Variants in C6 observed in about 807,000 individuals in gnomAD.
C6 encodes complement component C6.
C6 carries 101 observed loss-of-function variants against 112.9 expected under a neutral mutation model. That is an observed-to-expected ratio of 0.89 (90% CI 0.76 to 1.06). The LOEUF (loss-of-function observed/expected upper bound fraction) is 1.06, where lower values mean the gene tolerates loss of function less well. C6 is among the 50% of genes least tolerant of loss of function. C6 has a pLI of 0.00. For synonymous variants in C6, 431 were observed against 384.1 expected (o/e 1.12, Z -1.43); for missense variants, 1,202 against 1,104.6 (o/e 1.09, Z -1.25).
intron 7 of C6, among the ~76,000 whole-genome samples, chr5:41,177,197 T>C (rs147112035): frequency 6.6e-6 from 1 of 152,346 alleles, no homozygotes; most frequent in East Asian, 1.9e-4. Flanking sequence ...AGACTTCAGT[T>C]GTCAAATGAT....
At chr5:41,240,093 C>T (rs1397013620) in intron 1 of C6, among the ~76,000 whole-genome samples, 1 of 152,140 alleles carries the variant, frequency 6.6e-6, no homozygotes, top group Non-Finnish European at 1.5e-5. Flanking sequence ...GATCTTTGAG[C>T]TTCCTGTATC....
chr5:41,261,432 A>G (rs1285272146), exon 1 of C6: 1 of 154,440 alleles, frequency 6.5e-6, no homozygotes, highest in Non-Finnish European at 1.4e-5. Flanking sequence ...AGACGGGTAT[A>G]TTTTAGGGAG....
intron 1 of C6, among the ~76,000 whole-genome samples, chr5:41,253,607 C>T (rs773143132): frequency 1.3e-5 from 2 of 152,156 alleles, no homozygotes; most frequent in Non-Finnish European, 1.5e-5. Context: ...GGAATCACTG[C>T]TCTATAGAGT....
chr5:41,196,215 A>G (rs1750607067), intron 4 of C6, among the ~76,000 whole-genome samples: 1 of 151,990 alleles, frequency 6.6e-6, no homozygotes, highest in Non-Finnish European at 1.5e-5. Flanking sequence ...CGCTATAGAG[A>G]TCATGTTCAG....
At chr5:41,169,136 C>A (rs934336487) in intron 9 of C6, among the ~76,000 whole-genome samples, 2 of 151,962 alleles carry the variant, frequency 1.3e-5, no homozygotes, top group African/African-American at 4.8e-5. Context: ...GCAATAGGTG[C>A]CAGTGCATGA....
chr5:41,163,372 G>T (rs1747706820), intron 9 of C6, among the ~76,000 whole-genome samples: 1 of 148,986 alleles, frequency 6.7e-6, no homozygotes, highest in African/African-American at 2.5e-5. Flanking sequence ...GAATGCATTG[G>T]TGCGATCTTA....
In C6 at chr5:41,142,943, T is replaced by C. The variant is rs763571849; in HGVS notation, c.2687A>G (p.Tyr896Cys). The change falls in exon 18 of 18, where the codon TAC becomes TGC. Residue 896 changes from tyrosine to cysteine, a missense_variant. Coordinates refer to ENST00000337836, the MANE Select transcript of C6 (RefSeq NM_000065.5). ...TGTTGATGATCCCATTTTGACACAGTAGAGTTGGTTTCCACCCTTGAAGCA... is the reference window on the plus strand; with the variant it reads ...TGTTGATGATCCCATTTTGACACAGCAGAGTTGGTTTCCACCCTTGAAGCA... ...PQCFKGGNQL[Y>C]CVKMGSSTSE... 1.9e-6 allele frequency: 3 copies of C among 1,613,560 alleles called. No homozygotes were observed. In the South Asian group the frequency reaches 3.3e-5, roughly 18 times the overall value.
chr5:41,228,368 T>C (rs1739660762), intron 1 of C6, among the ~76,000 whole-genome samples: 2 of 152,148 alleles, frequency 1.3e-5, no homozygotes, highest in Non-Finnish European at 2.9e-5. Flanking sequence ...AAGTGCAGTC[T>C]TTAGGGTTTT....
In C6 at chr5:41,236,466, C is replaced by T. The variant is rs541950509; in HGVS notation, c.-21+24728G>A. Among the ~76,000 whole-genome samples, 20 of 150,266 alleles carry T rather than the reference C, an allele frequency of 1.3e-4. No individual in the cohort carries two copies. In the South Asian group the frequency reaches 2.4e-3, roughly 18 times the overall value. On this transcript the variant is annotated intron_variant, in intron 1 of 17. Coordinates refer to the C6 transcript ENST00000263413. ...TACATGGAAACTGAACAACCTGCTCCTGAATGACTACTGGGTACATAACGA... is the reference window on the plus strand; with the variant it reads ...TACATGGAAACTGAACAACCTGCTCTTGAATGACTACTGGGTACATAACGA...
At chr5:41,197,817 G>C (rs974314353) in intron 4 of C6, among the ~76,000 whole-genome samples, 1 of 152,084 alleles carries the variant, frequency 6.6e-6, no homozygotes, top group Non-Finnish European at 1.5e-5. Flanking sequence ...CATAAGGGGA[G>C]AGATATTGTA....
chr5:41,158,975 G>T, intron 12 of C6, 107 bp downstream of exon 12: 2 of 1,385,368 alleles, frequency 1.4e-6, no homozygotes, highest in Non-Finnish European at 2.1e-6. Flanking sequence ...CATAGGTAAA[G>T]TTCTAATTAT....
intron 15 of C6, chr5:41,152,791 G>A (rs1400252399): frequency 6.6e-6 from 1 of 152,178 alleles, no homozygotes; most frequent in African/African-American, 2.4e-5. Flanking sequence ...GGAGCAGCAA[G>A]GTATACATTG....
At chr5:41,146,034 A>T (rs931302614) in intron 17 of C6, among the ~76,000 whole-genome samples, 2 of 152,204 alleles carry the variant, frequency 1.3e-5, no homozygotes, top group African/African-American at 4.8e-5. Context: ...TAATGCTCTT[A>T]TCACATCCTG....
At chr5:41,217,830 C>G (rs531471368), upstream of C6, among the ~76,000 whole-genome samples, 2 of 152,062 alleles carry the variant, frequency 1.3e-5, no homozygotes, top group Non-Finnish European at 1.5e-5. Context: ...AAAAAAAAGC[C>G]TATTGAAGTC....
At chr5:41,158,923 G>T in intron 12 of C6, 138 bp from the exon 13 acceptor site, 7 of 1,082,016 alleles carry the variant, frequency 6.5e-6, no homozygotes. Context: ...ACAGAAAAAG[G>T]CACGGCAGTA....
chr5:41,258,619 C>T (rs1343518257), intron 1 of C6, among the ~76,000 whole-genome samples: 1 of 152,138 alleles, frequency 6.6e-6, no homozygotes, highest in Non-Finnish European at 1.5e-5. Flanking sequence ...AGGGAAAGAC[C>T]TGTTGAATGA....
At chr5:41,217,793 A>G (rs73753137), upstream of C6, among the ~76,000 whole-genome samples, 259 of 152,166 alleles carry the variant, frequency 1.7e-3, no homozygotes, top group African/African-American at 5.4e-3. Flanking sequence ...TTGGATTCCA[A>G]TTTAGAGCTT....
intron 9 of C6, among the ~76,000 whole-genome samples, chr5:41,168,991 G>T (rs1310484540): frequency 6.6e-6 from 1 of 152,110 alleles, no homozygotes; most frequent in Admixed American, 6.6e-5. Flanking sequence ...ACAGGCAAGG[G>T]TTCCCTAAAG....
At chr5:41,212,184 CAG>C (rs1751985739) in intron 1 of C6, among the ~76,000 whole-genome samples, 1 of 151,882 alleles carries the variant, frequency 6.6e-6, no homozygotes, top group African/African-American at 2.4e-5. Flanking sequence ...TTTTTTGAGA[CAG>C]AGTTTCATTC....
Sources: gnomAD v4.1 joint callset for allele counts (sites outside exome capture counted in the v4.1 genomes callset) on GRCh38, gnomAD v4.1.1 for gene constraint, MANE v1.5 for transcripts, NCBI Gene and HGNC (gene_info 2026-07-23, HGNC 2026-07-21) for gene names.